FILIP1: variants seen among roughly 807,000 people sequenced by gnomAD.
FILIP1 encodes the protein filamin-A-interacting protein 1.
Under a neutral mutation model 102.1 loss-of-function variants are expected in FILIP1, and 61 were observed. The ratio of observed to expected loss-of-function variants is 0.60; its 90% CI spans 0.49 to 0.74. The LOEUF is 0.74. Among genes scored for constraint, FILIP1 ranks in the 30% least tolerant of loss-of-function variants. The pLI is 0.00. For synonymous variants in FILIP1, 491 were observed against 526.9 expected, an observed-to-expected ratio of 0.93 and a Z score of 0.93; for missense variants, 1,314 against 1,441.2, an observed-to-expected ratio of 0.91 and a Z score of 1.43.
chr6:75,379,410 G>A (rs892891508), intron 2 of FILIP1, among the ~76,000 whole-genome samples: 4 of 152,196 alleles, frequency 2.6e-5, no homozygotes, highest in Admixed American at 6.5e-5. Context: ...ATGCCTAATG[G>A]AGACAGAAAA....
At chr6:75,355,886 C>A (rs1179878494) in intron 3 of FILIP1, among the ~76,000 whole-genome samples, 1 of 152,172 alleles carries the variant, frequency 6.6e-6, no homozygotes, top group Non-Finnish European at 1.5e-5. Context: ...AGTTCTAATT[C>A]ATTGTTCCAC....
chr6:75,396,412 G>A (rs1317850207), intron 2 of FILIP1, among the ~76,000 whole-genome samples: 1 of 152,094 alleles, frequency 6.6e-6, no homozygotes, highest in Non-Finnish European at 1.5e-5. Flanking sequence ...GATGCCTGAA[G>A]TAAAGCGGTG....
At chr6:75,414,516 T>C (rs1777185098) in intron 2 of FILIP1, among the ~76,000 whole-genome samples, 181 bp downstream of exon 2, 1 of 152,172 alleles carries the variant, frequency 6.6e-6, no homozygotes, top group Non-Finnish European at 1.5e-5. Flanking sequence ...TCATTTAGCA[T>C]TCATTCAACA....
rs1775562558 is a variant in FILIP1, at chr6:75,372,619, GAAAAAGAAAGAAAGAAAGAAAGAA to G, written c.277-9726_277-9703del. Among the ~76,000 whole-genome samples, 4 of 34,374 alleles carry G rather than the reference GAAAAAGAAAGAAAGAAAGAAAGAA, an allele frequency of 1.2e-4. No individual in the cohort carries two copies. In the East Asian group the frequency reaches 3.2e-3, roughly 27 times the overall value. 22.6% of individuals were successfully genotyped at this position (34,374 alleles called of 152,430 possible). ...GCTATCAAGAAAAGAAAGAAAGAAA[GAAAAAGAAAGAAAGAAAGAAAGAA>G]AGAAAGAAAGAAAGAAAGAAAGAAA... On this transcript the variant is annotated intron_variant, in intron 2 of 5. Coordinates refer to ENST00000237172, the MANE Select transcript of FILIP1 (RefSeq NM_015687.5).
Position 75,442,800 on chromosome 6 carries a change from T to A in FILIP1, c.-6-27822A>T, listed in dbSNP as rs140710740. On this transcript the variant is annotated intron_variant, in intron 1 of 5. Coordinates refer to ENST00000237172, the MANE Select transcript of FILIP1 (RefSeq NM_015687.5). ...GGAAACTTCCTCTTTCTTCCCACTC[T>A]ATTTCATAAATCCATGTCTACACAC... 8.8e-3 allele frequency among the ~76,000 whole-genome samples: 1,337 copies of A among 152,294 alleles called. 47 individuals carry two copies. In the East Asian group the frequency reaches 0.12, roughly 14 times the overall value.
Position 75,331,071 on chromosome 6 carries a change from T to C in FILIP1, c.630-15869A>G, listed in dbSNP as rs142751696. ...TTACTATCAGGTAAGCAGAAACTTG[T>C]AGGTATTTGCAAACTAGGTAGCAGC... On this transcript the variant is annotated intron_variant, in intron 4 of 5. Transcript: ENST00000237172. 3.1e-3 allele frequency among the ~76,000 whole-genome samples: 476 copies of C among 152,340 alleles called. 2 individuals are homozygous for C. Among genetic ancestry groups the C allele is most frequent in the Admixed American group, 5.2e-3 (79 of 15,284 alleles).
rs760764037 is a variant in FILIP1, at chr6:75,493,608, C to CA, written c.-202dup. On this transcript the variant is annotated 5_prime_UTR_variant, in exon 1 of 6. Coordinates refer to ENST00000237172, the MANE Select transcript of FILIP1 (RefSeq NM_015687.5). ...CCAATAGCTGAAGTCATGCAGGAAA[C>CA]AGAGTAGAGAGGAGGGAAAGCAGCT... The CA allele has an allele frequency of 1.6e-4, 25 of 152,192 alleles. No individual in the cohort carries two copies. The highest frequency in any genetic ancestry group is 2.6e-4 in the Non-Finnish European group (18 of 68,050). The allele number at this position is 152,192 out of a possible 1,614,324, so 9.4% of individuals were successfully genotyped here.
intron 5 of FILIP1, 40 bp from the exon 6 acceptor site, chr6:75,308,937 G>A: frequency 6.2e-7 from 1 of 1,606,636 alleles, no homozygotes; most frequent in Non-Finnish European, 8.5e-7. Flanking sequence ...GGAGATGTTG[G>A]TGAGTTTCCT....
chr6:75,348,202 T>A (rs1774661705), intron 4 of FILIP1, among the ~76,000 whole-genome samples: 1 of 152,130 alleles, frequency 6.6e-6, no homozygotes, highest in South Asian at 2.1e-4. Context: ...AAGATTAAAA[T>A]CACAAGTCTT....
chr6:75,321,734 C>CA (rs1342337139), intron 4 of FILIP1, among the ~76,000 whole-genome samples: 1 of 151,204 alleles, frequency 6.6e-6, no homozygotes, highest in East Asian at 2.0e-4. Flanking sequence ...GCGGAGCTTG[C>CA]AGTGAGCCGA....
At chr6:75,417,729 A>C (rs1171695615) in intron 1 of FILIP1, among the ~76,000 whole-genome samples, 4 of 152,346 alleles carry the variant, frequency 2.6e-5, no homozygotes, top group Admixed American at 2.6e-4. Flanking sequence ...TAAATAAATT[A>C]AATATCTTTT....
intron 2 of FILIP1, among the ~76,000 whole-genome samples, chr6:75,380,762 C>A (rs1000907600): frequency 6.6e-6 from 1 of 151,902 alleles, no homozygotes; most frequent in Non-Finnish European, 1.5e-5. Flanking sequence ...AAAATATATC[C>A]AAGGGTGGCT....
intron 1 of FILIP1, chr6:75,465,568 A>G: frequency 2.1e-6 from 1 of 477,150 alleles, no homozygotes; most frequent in Non-Finnish European, 3.6e-6. Context: ...GTTTCACAGC[A>G]ATTAAAAAAA....
chr6:75,328,609 C>T (rs1773955611), intron 4 of FILIP1, among the ~76,000 whole-genome samples: 1 of 152,168 alleles, frequency 6.6e-6, no homozygotes, highest in South Asian at 2.1e-4. Context: ...CTGCCTCAGC[C>T]TCATGAGTAG....
intron 1 of FILIP1, among the ~76,000 whole-genome samples, chr6:75,423,812 C>G (rs181368691): frequency 6.6e-6 from 1 of 152,162 alleles, no homozygotes; most frequent in African/African-American, 2.4e-5. Flanking sequence ...ACTTCCACAA[C>G]CAGCAGGATC....
chr6:75,432,833 C>T (rs905495172), intron 1 of FILIP1, among the ~76,000 whole-genome samples: 1 of 152,016 alleles, frequency 6.6e-6, no homozygotes, highest in African/African-American at 2.4e-5. Context: ...CCTTCCCCCT[C>T]CCCCCACTTC....
chr6:75,366,238 G>T (rs1407232521), intron 2 of FILIP1: 1 of 152,158 alleles, frequency 6.6e-6, no homozygotes, highest in Non-Finnish European at 1.5e-5. Flanking sequence ...TTCTGAAAAA[G>T]TGTTTGTCCT....
At chr6:75,436,357 C>G (rs1485886540) in intron 1 of FILIP1, among the ~76,000 whole-genome samples, 2 of 150,530 alleles carry the variant, frequency 1.3e-5, no homozygotes, top group Non-Finnish European at 3.0e-5. Flanking sequence ...AGAGTGAGAC[C>G]CTGTCTCAGG....
intron 1 of FILIP1, among the ~76,000 whole-genome samples, chr6:75,448,777 C>G (rs1027354691): frequency 2.6e-5 from 4 of 152,166 alleles, no homozygotes; most frequent in Non-Finnish European, 5.9e-5. Context: ...AAATGTAAAT[C>G]AAAACCACAG....
Sources: allele counts gnomAD v4.1 joint callset (sites outside exome capture counted in the v4.1 genomes callset), GRCh38; gene constraint gnomAD v4.1.1; transcripts MANE v1.5; gene names NCBI Gene and HGNC (gene_info 2026-07-23, HGNC 2026-07-21).